DPM1: variants seen among roughly 807,000 people sequenced by gnomAD.
DPM1 encodes dolichyl-phosphate mannosyltransferase subunit 1, catalytic.
DPM1 carries 27 observed loss-of-function variants against 39.0 expected under a neutral mutation model. The observed-to-expected ratio is 0.69, with a 90% confidence interval of 0.51 to 0.95. DPM1 has a LOEUF of 0.95. DPM1 is among the 40% of genes least tolerant of loss of function. DPM1 has a pLI of 0.00. For synonymous variants in DPM1, 124 were observed against 109.0 expected, an observed-to-expected ratio of 1.14 and a Z score of -0.86; for missense variants, 307 against 315.6, an observed-to-expected ratio of 0.97 and a Z score of 0.21.
chr20:50,935,237 C>T lies in DPM1; in HGVS notation c.679-1G>A. ...CACGATCCACAAATGATATTGGAAC[C>T]TAGTTTAAAAAAAAAAAAGTAACGT... On this transcript the variant is annotated splice_acceptor_variant, in intron 8 of 8. Coordinates refer to ENST00000371588, the MANE Select transcript of DPM1 (RefSeq NM_003859.3). LOFTEE classifies it high-confidence loss of function. 6.5e-7 allele frequency: 1 copy of T among 1,550,040 alleles called. No homozygotes were observed. Among genetic ancestry groups the T allele is most frequent in the Non-Finnish European group, 8.7e-7 (1 of 1,153,026 alleles).
At chr20:50,958,556 T>C (rs773483062), upstream of DPM1, 2 of 1,612,114 alleles carry the variant, frequency 1.2e-6, no homozygotes, top group East Asian at 4.5e-5. Context: ...GAAGCGGAAT[T>C]ACGTAATGTG....
intron 1 of DPM1, 94 bp downstream of exon 1, chr20:50,958,269 C>G (rs907744492): frequency 6.5e-6 from 10 of 1,532,638 alleles, no homozygotes; most frequent in Non-Finnish European, 8.8e-6. Context: ...GCAAAGAAGG[C>G]TGGACAGGGC....
At chr20:50,955,680 C>T (rs1451167043) in intron 1 of DPM1, among the ~76,000 whole-genome samples, 1 of 152,226 alleles carries the variant, frequency 6.6e-6, no homozygotes, top group African/African-American at 2.4e-5. Flanking sequence ...TCTCCTGCCT[C>T]AGCCTCCGGA....
At position 50,958,410 on chromosome 20, in the gene DPM1, C is replaced by T; in HGVS notation, c.114G>A (p.Glu38=). ...GCAGCCACACGATGAGCGGCAGGTT[C>T]TCGCGCTCGTTGTAGGTAGGTAAAA... ...SVLLPTYNER[E]NLPLIVWLLV... Residue 38 remains glutamate, a synonymous_variant, in exon 1 of 9, where the codon GAG becomes GAA. Coordinates refer to ENST00000371588, the MANE Select transcript of DPM1 (RefSeq NM_003859.3). 1 of 1,614,066 alleles carries T rather than the reference C, an allele frequency of 6.2e-7. No homozygotes were observed. The highest frequency in any genetic ancestry group is 8.5e-7 in the Non-Finnish European group (1 of 1,180,036).
chr20:50,941,360 C>T (rs931383199), intron 6 of DPM1, among the ~76,000 whole-genome samples: 1 of 116,026 alleles, frequency 8.6e-6, no homozygotes, highest in Non-Finnish European at 1.7e-5. Context: ...TATTCATATA[C>T]ATATATATTC....
chr20:50,938,962 C>T (rs1985463598), intron 7 of DPM1, among the ~76,000 whole-genome samples: 1 of 151,858 alleles, frequency 6.6e-6, no homozygotes, highest in Non-Finnish European at 1.5e-5. Context: ...GCCTGGGCAA[C>T]AAGAGCGAAA....
At chr20:50,948,364 T>A (rs948248762) in intron 3 of DPM1, among the ~76,000 whole-genome samples, 2 of 152,198 alleles carry the variant, frequency 1.3e-5, no homozygotes, top group Non-Finnish European at 2.9e-5. Flanking sequence ...CTCCATTTGG[T>A]TTCTCAGGAA....
At chr20:50,950,599 T>G (rs545532475) in intron 2 of DPM1, among the ~76,000 whole-genome samples, 1 of 152,348 alleles carries the variant, frequency 6.6e-6, no homozygotes, top group East Asian at 1.9e-4. Context: ...CCAGATGCAG[T>G]GGCTCACACC....
intron 7 of DPM1, among the ~76,000 whole-genome samples, chr20:50,938,970 A>G (rs548378826): frequency 6.6e-6 from 1 of 151,996 alleles, no homozygotes; most frequent in East Asian, 2.0e-4. Context: ...AACAAGAGCG[A>G]AACCCTGTCT....
chr20:50,948,788 AAAGT>A (rs1986425077), intron 2 of DPM1, 126 bp from the exon 3 acceptor site: 7 of 855,484 alleles, frequency 8.2e-6, no homozygotes, highest in African/African-American at 5.1e-5. Context: ...AACTTAAAGC[AAAGT>A]ATCCTTAATA....
In DPM1 at chr20:50,941,884, A is replaced by T. The variant is rs918860723; in HGVS notation, c.494+147T>A. ...ACATCCAGGCTCTAATCACAGGAAA[A>T]ACTGTAAGAAACTATCTGGGAGTAT... is the stretch of plus-strand genomic sequence containing the variant. On this transcript the variant is annotated intron_variant, in intron 6 of 8. Transcript: ENST00000371588. 10 of 718,614 alleles carry T rather than the reference A, an allele frequency of 1.4e-5. No homozygotes were observed. The African/African-American group carries it at 1.6e-4, about 11-fold the overall frequency. 44.5% of individuals were successfully genotyped at this position (718,614 alleles called of 1,614,324 possible).
chr20:50,948,675 G>C lies in DPM1; in HGVS notation c.262-13C>G, dbSNP rs767218987. 1.2e-6 allele frequency: 2 copies of C among 1,612,796 alleles called. No homozygotes were observed. Among genetic ancestry groups the C allele is most frequent in the South Asian group, 2.2e-5 (2 of 91,064 alleles). On this transcript the variant is annotated splice_polypyrimidine_tract_variant and intron_variant, in intron 2 of 8. Coordinates refer to ENST00000371588, the MANE Select transcript of DPM1 (RefSeq NM_003859.3). ...GTGGTCTTAGAAGCTGTAGGAATAA[G>C]AAATAGCATTTTACACACAGAAACA...
chr20:50,950,125 T>C (rs1169767572), intron 2 of DPM1, among the ~76,000 whole-genome samples: 1 of 152,226 alleles, frequency 6.6e-6, no homozygotes, highest in African/African-American at 2.4e-5. Context: ...GAATCTACTT[T>C]AGGCTTTTCC....
chr20:50,938,388 A>T (rs543681003), intron 7 of DPM1, among the ~76,000 whole-genome samples: 5,387 of 143,640 alleles, frequency 0.038, 216 homozygotes, highest in African/African-American at 0.089. Flanking sequence ...ATTAAAAAAA[A>T]TTTTTTTTTT....
At chr20:50,941,187 G>T (rs1409351139) in intron 6 of DPM1, 17 of 356,052 alleles carry the variant, frequency 4.8e-5, no homozygotes, top group African/African-American at 3.4e-4. Flanking sequence ...GACCAGCCTG[G>T]GCAACATGGC....
intron 6 of DPM1, 132 bp downstream of exon 6, chr20:50,941,899 T>G (rs1985860425): frequency 1.3e-6 from 1 of 780,378 alleles, no homozygotes; most frequent in Non-Finnish European, 2.2e-6. Flanking sequence ...TAAGAAACTA[T>G]CTGGGAGTAT....
intron 7 of DPM1, among the ~76,000 whole-genome samples, chr20:50,940,202 A>C (rs1416673151): frequency 6.6e-6 from 1 of 152,050 alleles, no homozygotes; most frequent in Non-Finnish European, 1.5e-5. Context: ...TAGTGGAAAA[A>C]AGTATCAACT....
At chr20:50,947,153 A>G (rs1986336962) in intron 3 of DPM1, among the ~76,000 whole-genome samples, 1 of 152,204 alleles carries the variant, frequency 6.6e-6, no homozygotes, top group Non-Finnish European at 1.5e-5. Flanking sequence ...GATCGCGGTG[A>G]GCCGAGATCG....
At chr20:50,956,146 A>G (rs1986811655) in intron 1 of DPM1, among the ~76,000 whole-genome samples, 1 of 152,230 alleles carries the variant, frequency 6.6e-6, no homozygotes, top group African/African-American at 2.4e-5. Flanking sequence ...ACAAAAGCAG[A>G]GTAGCATTAC....
Sources: gnomAD v4.1 joint callset for allele counts (sites outside exome capture counted in the v4.1 genomes callset) on GRCh38, gnomAD v4.1.1 for gene constraint, MANE v1.5 for transcripts, NCBI Gene and HGNC (gene_info 2026-07-23, HGNC 2026-07-21) for gene names.